Variants in MIS18A observed in about 807,000 individuals in gnomAD.
The protein encoded by MIS18A is MIS18 kinetochore protein A.
MIS18A carries 14 observed loss-of-function variants against 25.0 expected under a neutral mutation model. The observed-to-expected ratio is 0.56, with a 90% CI of 0.37 to 0.88. The LOEUF is 0.88. MIS18A is among the 40% of genes least tolerant of loss of function. MIS18A has a pLI of 0.00. For missense variants in MIS18A, 292 were observed against 290.8 expected (o/e 1.00, Z -0.03); for synonymous variants, 134 against 118.6 (o/e 1.13, Z -0.84).
the MIS18A span, among the ~76,000 whole-genome samples, chr21:32,194,084 T>A: frequency 6.6e-6 from 1 of 152,088 alleles, no homozygotes; most frequent in Non-Finnish European, 1.5e-5. Context: ...GAATGGGGAA[T>A]CTCAGTCACC....
At chr21:32,216,265 C>G in the MIS18A span, among the ~76,000 whole-genome samples, 3 of 152,204 alleles carry the variant, frequency 2.0e-5, no homozygotes, top group Non-Finnish European at 4.4e-5. Context: ...GGAAAACCAA[C>G]AGCCCACAAT....
chr21:32,241,877 T>TG, the MIS18A span, among the ~76,000 whole-genome samples: 6 of 137,934 alleles, frequency 4.3e-5, no homozygotes, highest in Non-Finnish European at 3.1e-5. Flanking sequence ...TTTTGGGTTT[T>TG]TTGTTGTTGT....
rs1232258770 is a variant in MIS18A at position 32,274,752 on chromosome 21, A to C, written c.401+78T>G. 2.8e-6 allele frequency: 3 copies of C among 1,082,300 alleles called. No homozygotes were observed. The African/African-American group carries it at 4.8e-5, about 17-fold the overall frequency. The allele number at this position is 1,082,300 out of a possible 1,614,324, so 67.0% of individuals were successfully genotyped here. ...GAAAAGTTTTATCCCAAGTAATCTT[A>C]CTACTAGTAATGACCTTTTAAAGAT... On this transcript the variant is annotated intron_variant, in intron 2 of 4. Coordinates refer to ENST00000290130, the MANE Select transcript of MIS18A (RefSeq NM_018944.3).
At chr21:32,226,333 C>G in the MIS18A span, among the ~76,000 whole-genome samples, 1 of 149,900 alleles carries the variant, frequency 6.7e-6, no homozygotes, top group Non-Finnish European at 1.5e-5. Flanking sequence ...TTTTAATGCT[C>G]AACTATATGC....
chr21:32,210,269 GT>G, the MIS18A span, among the ~76,000 whole-genome samples: 1 of 152,154 alleles, frequency 6.6e-6, no homozygotes, highest in African/African-American at 2.4e-5. Flanking sequence ...GATTAAATGA[GT>G]TGTTATTTGT....
chr21:32,251,807 G>C, the MIS18A span, among the ~76,000 whole-genome samples: 2,391 of 152,196 alleles, frequency 0.016, 64 homozygotes, highest in African/African-American at 0.055. Flanking sequence ...AAGAGCACAG[G>C]GTAATGTCTC....
chr21:32,246,720 C>A, the MIS18A span, among the ~76,000 whole-genome samples: 1,587 of 152,232 alleles, frequency 0.01, 29 homozygotes, highest in African/African-American at 0.036. Context: ...CCCTTTCCAG[C>A]GCCTTCTCTT....
chr21:32,172,618 C>A, the MIS18A span, among the ~76,000 whole-genome samples: 2 of 147,588 alleles, frequency 1.4e-5, no homozygotes, highest in African/African-American at 2.5e-5. Context: ...CAGAGACTAA[C>A]AAGATGATCC....
the MIS18A span, among the ~76,000 whole-genome samples, chr21:32,189,591 T>G: frequency 2.0e-5 from 3 of 152,174 alleles, no homozygotes; most frequent in Admixed American, 6.5e-5. Flanking sequence ...GCCTCATGCT[T>G]TGTACTTTGC....
the MIS18A span, among the ~76,000 whole-genome samples, chr21:32,200,428 G>T: frequency 6.8e-6 from 1 of 147,126 alleles, no homozygotes; most frequent in African/African-American, 2.6e-5. Flanking sequence ...TTATATCAAG[G>T]CTTTTTCTTT....
chr21:32,231,781 C>T, the MIS18A span, among the ~76,000 whole-genome samples: 8 of 152,120 alleles, frequency 5.3e-5, no homozygotes, highest in Admixed American at 2.0e-4. Context: ...GGCGTGGTGG[C>T]GGGCACCTGT....
At chr21:32,243,649 C>T in the MIS18A span, among the ~76,000 whole-genome samples, 1 of 152,170 alleles carries the variant, frequency 6.6e-6, no homozygotes, top group Non-Finnish European at 1.5e-5. Context: ...CAATCCTACT[C>T]ACAGGGGTTT....
the MIS18A span, among the ~76,000 whole-genome samples, chr21:32,169,029 T>C: frequency 6.6e-6 from 1 of 152,316 alleles, no homozygotes; most frequent in South Asian, 2.1e-4. Flanking sequence ...AAATCACCTA[T>C]GTCAGAACTC....
At chr21:32,227,537 T>C in the MIS18A span, among the ~76,000 whole-genome samples, 1 of 152,104 alleles carries the variant, frequency 6.6e-6, no homozygotes, top group Non-Finnish European at 1.5e-5. Context: ...AATAGAGTTA[T>C]AAAAAATACA....
At chr21:32,180,934 G>A in the MIS18A span, among the ~76,000 whole-genome samples, 1 of 129,128 alleles carries the variant, frequency 7.7e-6, no homozygotes, top group Non-Finnish European at 1.6e-5. Flanking sequence ...CTGACTGGGA[G>A]AAGGGAATGT....
chr21:32,241,454 T>G, the MIS18A span, among the ~76,000 whole-genome samples: 1 of 152,180 alleles, frequency 6.6e-6, no homozygotes, highest in Non-Finnish European at 1.5e-5. Context: ...GTCATCGTTC[T>G]TATGATTCTG....
At chr21:32,197,524 T>A in the MIS18A span, among the ~76,000 whole-genome samples, 1 of 152,200 alleles carries the variant, frequency 6.6e-6, no homozygotes, top group Middle Eastern at 3.2e-3. Flanking sequence ...ACTTGTAGCA[T>A]CTGGGAAAAG....
the MIS18A span, among the ~76,000 whole-genome samples, chr21:32,258,363 A>G: frequency 1.3e-5 from 2 of 152,236 alleles, no homozygotes; most frequent in South Asian, 4.2e-4. Context: ...GGGGGCCTTG[A>G]CTATTATTTT....
the MIS18A span, among the ~76,000 whole-genome samples, chr21:32,251,425 C>G: frequency 6.6e-6 from 1 of 152,086 alleles, no homozygotes; most frequent in Non-Finnish European, 1.5e-5. Context: ...TTCTCCCACA[C>G]TCTCCCTCTT....
Sources: gnomAD v4.1 joint callset for allele counts (sites outside exome capture counted in the v4.1 genomes callset) on GRCh38, gnomAD v4.1.1 for gene constraint, MANE v1.5 for transcripts, NCBI Gene and HGNC (gene_info 2026-07-23, HGNC 2026-07-21) for gene names.